The following BTBD9 variants were observed in gnomAD, a reference collection of about 807,000 sequenced individuals.
BTBD9 encodes BTB/POZ domain-containing protein 9.
Under a neutral mutation model 64.3 loss-of-function variants are expected in BTBD9, and 49 were observed. The ratio of observed to expected loss-of-function variants is 0.76; its 90% confidence interval spans 0.61 to 0.97. The LOEUF (loss-of-function observed/expected upper bound fraction) is 0.97, where lower values mean the gene tolerates loss of function less well. Ranked by LOEUF, BTBD9 falls within the 50% of genes least tolerant of loss-of-function variation. The pLI is 0.00. For synonymous variants in BTBD9, 260 were observed against 274.7 expected (o/e 0.95, Z 0.53); for missense variants, 598 against 762.1 (o/e 0.78, Z 2.53).
At chr6:38,265,913 A>G (rs1369328957) in intron 8 of BTBD9, among the ~76,000 whole-genome samples, 1 of 152,220 alleles carries the variant, frequency 6.6e-6, no homozygotes, top group African/African-American at 2.4e-5. Context: ...ATAACATAAA[A>G]GCTAACACCA....
At chr6:38,419,356 C>A (rs985288022) in intron 6 of BTBD9, among the ~76,000 whole-genome samples, 1 of 152,110 alleles carries the variant, frequency 6.6e-6, no homozygotes, top group African/African-American at 2.4e-5. Flanking sequence ...GAATTACATA[C>A]TTTAAACAAG....
At chr6:38,394,944 G>A (rs1766598629) in intron 6 of BTBD9, among the ~76,000 whole-genome samples, 1 of 147,622 alleles carries the variant, frequency 6.8e-6, no homozygotes. Flanking sequence ...GCTGACAGAT[G>A]ATATAACCAA....
intron 9 of BTBD9, among the ~76,000 whole-genome samples, chr6:38,221,047 A>T (rs1057019259): frequency 6.6e-6 from 1 of 152,240 alleles, no homozygotes; most frequent in Non-Finnish European, 1.5e-5. Context: ...TTAACCTTTC[A>T]GCCAATTAGA....
chr6:38,461,420 T>G (rs1770080189), intron 6 of BTBD9, among the ~76,000 whole-genome samples: 1 of 152,218 alleles, frequency 6.6e-6, no homozygotes, highest in African/African-American at 2.4e-5. Flanking sequence ...AATCATACAG[T>G]ATGTATTATT....
chr6:38,423,752 A>G (rs921384144), intron 6 of BTBD9, among the ~76,000 whole-genome samples: 11 of 152,240 alleles, frequency 7.2e-5, no homozygotes, highest in African/African-American at 2.4e-4. Context: ...AAAAGTTAGT[A>G]CTGGGATTTT....
chr6:38,618,968 A>G lies in BTBD9; in HGVS notation c.-28+20832T>C, dbSNP rs571434132. ...CCCCACTGGGACCTAGACTCAGATC[A>G]TGGGGACTGGAGTCGCAAACATCTG... is the stretch of plus-strand genomic sequence containing the variant. On this transcript the variant is annotated intron_variant, in intron 1 of 10. Transcript: ENST00000481247. Among the ~76,000 whole-genome samples, 7 of 152,302 alleles carry G rather than the reference A, an allele frequency of 4.6e-5. No individual in the cohort carries two copies. The South Asian group carries it at 1.5e-3, about 32-fold the overall frequency.
At chr6:38,268,867 A>G (rs1765108245) in intron 8 of BTBD9, among the ~76,000 whole-genome samples, 1 of 152,148 alleles carries the variant, frequency 6.6e-6, no homozygotes, top group South Asian at 2.1e-4. Flanking sequence ...CGAACTTACT[A>G]CTGCCCCTCT....
intron 6 of BTBD9, among the ~76,000 whole-genome samples, chr6:38,567,246 A>G (rs1052922155): frequency 6.6e-6 from 1 of 152,372 alleles, no homozygotes; most frequent in African/African-American, 2.4e-5. Flanking sequence ...CTTTTGCAAA[A>G]TGAGATGAAC....
chr6:38,490,907 C>G (rs1771675067), intron 6 of BTBD9, among the ~76,000 whole-genome samples: 1 of 152,046 alleles, frequency 6.6e-6, no homozygotes. Context: ...TAGATTTTTC[C>G]CAGAAAAGGC....
intron 6 of BTBD9, among the ~76,000 whole-genome samples, chr6:38,392,671 A>G (rs1009440346): frequency 1.3e-5 from 2 of 152,234 alleles, no homozygotes; most frequent in Non-Finnish European, 2.9e-5. Flanking sequence ...GTAGCAAGAA[A>G]GAAATGGCAG....
intron 6 of BTBD9, among the ~76,000 whole-genome samples, chr6:38,395,662 C>CA (rs1358477108): frequency 1.3e-5 from 2 of 151,758 alleles, no homozygotes; most frequent in African/African-American, 4.8e-5. Context: ...AAACTACTCT[C>CA]AAATTCCTAA....
In BTBD9 at chr6:38,454,510, A is replaced by G. The variant is rs991458211; in HGVS notation, c.1155-109417T>C. ...ATTTAATTATCTTAAATATAATATAATTAAATATTATATGTGGTGGCTCAT... is the reference window on the plus strand; with the variant it reads ...ATTTAATTATCTTAAATATAATATAGTTAAATATTATATGTGGTGGCTCAT... On this transcript the variant is annotated intron_variant, in intron 6 of 10. Transcript: ENST00000481247. Among the ~76,000 whole-genome samples the G allele has an allele frequency of 6.7e-5, 10 of 149,884 alleles. No homozygotes were observed. The East Asian group carries it at 1.9e-3, about 29-fold the overall frequency.
At chr6:38,237,560 A>G (rs746462788) in intron 9 of BTBD9, among the ~76,000 whole-genome samples, 15 of 152,204 alleles carry the variant, frequency 9.9e-5, no homozygotes, top group Non-Finnish European at 2.2e-4. Context: ...GATATCACAA[A>G]ATCAACAGTT....
At chr6:38,253,887 T>C (rs563422407) in intron 9 of BTBD9, among the ~76,000 whole-genome samples, 1 of 151,530 alleles carries the variant, frequency 6.6e-6, no homozygotes, top group Non-Finnish European at 1.5e-5. Flanking sequence ...AGAAGCTGGA[T>C]TTAAATCTCA....
intron 6 of BTBD9, among the ~76,000 whole-genome samples, chr6:38,575,131 T>C (rs1775968767): frequency 6.6e-6 from 1 of 152,186 alleles, no homozygotes; most frequent in South Asian, 2.1e-4. Flanking sequence ...CCATTTACCA[T>C]TACAGAGAAT....
At chr6:38,359,346 C>A (rs778623513) in intron 6 of BTBD9, among the ~76,000 whole-genome samples, 4 of 152,162 alleles carry the variant, frequency 2.6e-5, no homozygotes, top group Non-Finnish European at 5.9e-5. Flanking sequence ...CTCTCCTCAA[C>A]CCTAACACTC....
intron 6 of BTBD9, among the ~76,000 whole-genome samples, chr6:38,359,663 G>A (rs929453947): frequency 2.0e-5 from 3 of 152,098 alleles, no homozygotes; most frequent in Non-Finnish European, 4.4e-5. Context: ...CCTCTGGCCC[G>A]TCATTAGGCC....
At chr6:38,268,525 C>T (rs9470846) in intron 8 of BTBD9, among the ~76,000 whole-genome samples, 4,732 of 152,266 alleles carry the variant, frequency 0.031, 262 homozygotes, top group African/African-American at 0.11. Flanking sequence ...CAGGGATGAA[C>T]GACCGGCAAA....
At chr6:38,459,438 T>C (rs992630864) in intron 6 of BTBD9, among the ~76,000 whole-genome samples, 1 of 152,230 alleles carries the variant, frequency 6.6e-6, no homozygotes, top group Non-Finnish European at 1.5e-5. Flanking sequence ...GGGTTGTGAG[T>C]TGAAGAACAT....
Sources: allele counts gnomAD v4.1 joint callset (sites outside exome capture counted in the v4.1 genomes callset), GRCh38; gene constraint gnomAD v4.1.1; transcripts MANE v1.5; gene names NCBI Gene and HGNC (gene_info 2026-07-23, HGNC 2026-07-21).